The following PRKCA variants were observed in gnomAD, a reference collection of about 807,000 sequenced individuals.
PRKCA encodes protein kinase C alpha type.
A neutral mutation model predicts 87.0 loss-of-function variants in PRKCA; 27 were observed. The ratio of observed to expected loss-of-function variants is 0.31; its 90% CI spans 0.23 to 0.43. The LOEUF (loss-of-function observed/expected upper bound fraction) is 0.43. Among genes scored for constraint, PRKCA ranks in the 20% least tolerant of loss-of-function variants. The pLI, the probability that PRKCA is intolerant of heterozygous loss-of-function variation, is 1.00. For synonymous variants in PRKCA, 329 were observed against 311.1 expected, an observed-to-expected ratio of 1.06 and a Z score of -0.61; for missense variants, 518 against 852.3, an observed-to-expected ratio of 0.61 and a Z score of 4.88.
At chr17:66,495,946 C>T (rs1916458896) in intron 2 of PRKCA, among the ~76,000 whole-genome samples, 1 of 152,142 alleles carries the variant, frequency 6.6e-6, no homozygotes, top group Admixed American at 6.5e-5. Context: ...ATTCTCCTCT[C>T]CCTCAACTTC....
chr17:66,802,816 G>T (rs1260523257), intron 16 of PRKCA, among the ~76,000 whole-genome samples: 1 of 152,214 alleles, frequency 6.6e-6, no homozygotes, highest in Admixed American at 6.5e-5. Flanking sequence ...AAGGATGCCT[G>T]GTTAGTTTGA....
intron 3 of PRKCA, among the ~76,000 whole-genome samples, chr17:66,506,465 G>C (rs1051067690): frequency 6.6e-6 from 1 of 152,116 alleles, no homozygotes; most frequent in Non-Finnish European, 1.5e-5. Flanking sequence ...CTGATACAGG[G>C]CCTGGCACAA....
chr17:66,537,982 T>G (rs1967846113), intron 3 of PRKCA, among the ~76,000 whole-genome samples: 1 of 152,118 alleles, frequency 6.6e-6, no homozygotes, highest in Non-Finnish European at 1.5e-5. Context: ...ATTTTTTGTA[T>G]TTTTAGTAGA....
chr17:66,522,849 G>A (rs1967212982), intron 3 of PRKCA, among the ~76,000 whole-genome samples: 1 of 151,756 alleles, frequency 6.6e-6, no homozygotes, highest in African/African-American at 2.4e-5. Context: ...CAAAGGAAGA[G>A]GGCATTATTC....
chr17:66,766,987 C>T (rs186617093), intron 13 of PRKCA, among the ~76,000 whole-genome samples: 1 of 152,136 alleles, frequency 6.6e-6, no homozygotes, highest in Admixed American at 6.5e-5. Context: ...AATAAATCAT[C>T]TTAATCCTCT....
At chr17:66,495,701 C>T (rs1916448466) in intron 2 of PRKCA, among the ~76,000 whole-genome samples, 1 of 151,700 alleles carries the variant, frequency 6.6e-6, no homozygotes. Context: ...TACAGGCGCC[C>T]ATCACTATGG....
At chr17:66,740,251 C>T (rs1974127748) in intron 11 of PRKCA, among the ~76,000 whole-genome samples, 1 of 151,988 alleles carries the variant, frequency 6.6e-6, no homozygotes. Context: ...ACGTGGGCTC[C>T]AGGTGAAGAT....
chr17:66,753,519 T>TGGAA (rs960546912), intron 13 of PRKCA, among the ~76,000 whole-genome samples: 1 of 151,866 alleles, frequency 6.6e-6, no homozygotes, highest in African/African-American at 2.4e-5. Context: ...CATACTGGAG[T>TGGAA]GGAATCTCAG....
intron 8 of PRKCA, among the ~76,000 whole-genome samples, chr17:66,732,129 CA>C (rs200958703): frequency 0.032 from 4,021 of 125,260 alleles, 57 homozygotes; most frequent in Non-Finnish European, 0.035. Flanking sequence ...AAAAAAAAAT[CA>C]AAAAAAAAAA....
At chr17:66,636,552 G>C (rs1008501202) in intron 3 of PRKCA, among the ~76,000 whole-genome samples, 6 of 152,182 alleles carry the variant, frequency 3.9e-5, no homozygotes, top group African/African-American at 7.2e-5. Flanking sequence ...AAGCCTGAGG[G>C]TGATTAGCCC....
chr17:66,358,109 T>G (rs2143463186), intron 2 of PRKCA, among the ~76,000 whole-genome samples: 1 of 152,356 alleles, frequency 6.6e-6, no homozygotes, highest in East Asian at 1.9e-4. Flanking sequence ...AGTACTTGTT[T>G]GTGTCATATT....
At chr17:66,327,158 C>G (rs1162499454) in intron 2 of PRKCA, among the ~76,000 whole-genome samples, 1 of 151,890 alleles carries the variant, frequency 6.6e-6, no homozygotes, top group Non-Finnish European at 1.5e-5. Context: ...ATCATGAGGT[C>G]AGGAGAGACC....
At chr17:66,448,982 A>T (rs1331201025) in intron 2 of PRKCA, among the ~76,000 whole-genome samples, 2 of 18,614 alleles carry the variant, frequency 1.1e-4, no homozygotes, top group Non-Finnish European at 2.8e-4. Context: ...TCTAAACTTA[A>T]AAAAAAAAAA....
At chr17:66,388,672 C>G (rs1240511992) in intron 2 of PRKCA, among the ~76,000 whole-genome samples, 1 of 152,136 alleles carries the variant, frequency 6.6e-6, no homozygotes, top group Non-Finnish European at 1.5e-5. Context: ...CATAAGTATA[C>G]ATGATGTACT....
At chr17:66,733,386 G>T (rs1204242074) in intron 9 of PRKCA, among the ~76,000 whole-genome samples, 2 of 152,160 alleles carry the variant, frequency 1.3e-5, no homozygotes, top group East Asian at 1.9e-4. Flanking sequence ...CAACAGGTTT[G>T]GGGGGAAAGC....
intron 3 of PRKCA, among the ~76,000 whole-genome samples, chr17:66,506,199 G>T (rs2018853): frequency 0.14 from 21,193 of 151,896 alleles, 1,786 homozygotes; most frequent in East Asian, 0.3. Context: ...GGGAGGCTGA[G>T]GCAGGAGAAT....
chr17:66,372,410 C>T (rs368747133), intron 2 of PRKCA, among the ~76,000 whole-genome samples: 19 of 152,184 alleles, frequency 1.2e-4, no homozygotes, highest in African/African-American at 3.1e-4. Context: ...GGTAATTGGG[C>T]GGTACTGATG....
intron 2 of PRKCA, among the ~76,000 whole-genome samples, chr17:66,481,875 G>C (rs1211666568): frequency 6.6e-6 from 1 of 152,042 alleles, no homozygotes; most frequent in Admixed American, 6.5e-5. Flanking sequence ...GGCAGAGGTG[G>C]GTGGATCACA....
At position 66,786,922 on chromosome 17, in the gene PRKCA, A is replaced by G. The variant is rs945360674; in HGVS notation, c.1661A>G (p.Asn554Ser). The G allele has an allele frequency of 8.7e-6, 14 of 1,614,060 alleles. No individual in the cohort carries two copies. In the Admixed American group the frequency reaches 1.2e-4, roughly 13 times the overall value. Residue 554 changes from asparagine to serine, a missense_variant, in exon 15 of 17, where the codon AAC becomes AGC. By Grantham distance (46) the Asn-to-Ser change is conservative. This residue lies in a region of PRKCA where 159 missense variants were observed against 232.4 expected (regional missense o/e 0.68). Transcript: ENST00000413366. ...CTATTTCAGTCTATCATGGAGCACAACGTTTCCTATCCAAAATCCTTGTCC... is the reference window on the plus strand; with the variant it reads ...CTATTTCAGTCTATCATGGAGCACAGCGTTTCCTATCCAAAATCCTTGTCC... Reference protein sequence around the residue: ...DELFQSIMEHNVSYPKSLSKE... With the variant: ...DELFQSIMEHSVSYPKSLSKE...
Sources: gnomAD v4.1 joint callset for allele counts (sites outside exome capture counted in the v4.1 genomes callset) on GRCh38, gnomAD v4.1.1 for gene constraint, gnomAD v4.1.1 regional missense constraint, MANE v1.5 for transcripts, NCBI Gene and HGNC (gene_info 2026-07-23, HGNC 2026-07-21) for gene names.